CCNB2: variants seen among roughly 807,000 people sequenced by gnomAD.
CCNB2 encodes cyclin B2.
A neutral mutation model predicts 51.1 loss-of-function variants in CCNB2; 39 were observed. That is an observed-to-expected ratio of 0.76 (90% confidence interval 0.59 to 1.00). The LOEUF (loss-of-function observed/expected upper bound fraction) is 1.00. CCNB2 is among the 50% of genes least tolerant of loss of function. The pLI, the probability that CCNB2 is intolerant of heterozygous loss-of-function variation, is 0.00. For missense variants in CCNB2, 472 were observed against 470.3 expected (o/e 1.00, Z -0.03); for synonymous variants, 174 against 165.5 (o/e 1.05, Z -0.40).
intron 7 of CCNB2, among the ~76,000 whole-genome samples, chr15:59,123,304 A>G (rs983688897): frequency 6.6e-6 from 1 of 152,228 alleles, no homozygotes; most frequent in Non-Finnish European, 1.5e-5. Context: ...GTCTGGTCTC[A>G]GGGCCAGAAT....
At chr15:59,114,981 A>G in intron 5 of CCNB2, 105 bp downstream of exon 5, 1 of 1,233,026 alleles carries the variant, frequency 8.1e-7, no homozygotes, top group Non-Finnish European at 1.1e-6. Flanking sequence ...AAGACCAAAA[A>G]TCAAATTGTG....
At position 59,116,816 on chromosome 15, in the gene CCNB2, A is replaced by G. The variant is rs143578095; in HGVS notation, c.724A>G (p.Thr242Ala). The G allele has an allele frequency of 1.9e-6, 3 of 1,614,126 alleles. No individual in the cohort carries two copies. In the African/African-American group the frequency reaches 4.0e-5, roughly 22 times the overall value. Reference protein sequence around the residue: ...DFVYITDNAYTSSQIREMETL... With the variant: ...DFVYITDNAYASSQIREMETL... ...TGTTTACATCACAGACAATGCTTAT[A>G]CCAGTTCCCAAATCCGAGAAATGGA... is the stretch of plus-strand genomic sequence containing the variant. The change falls in exon 6 of 9, where the codon ACC becomes GCC. Residue 242 changes from threonine (T) to alanine (A), a missense_variant. Thr to Ala is a moderately conservative substitution (Grantham distance 58). Coordinates refer to ENST00000288207, the MANE Select transcript of CCNB2 (RefSeq NM_004701.4).
At chr15:59,119,054 A>G (rs2079290958) in intron 7 of CCNB2, among the ~76,000 whole-genome samples, 1 of 152,214 alleles carries the variant, frequency 6.6e-6, no homozygotes. Flanking sequence ...TTCTTTGGGA[A>G]TAGGGTGGAG....
chr15:59,119,279 G>T (rs2079292165), intron 7 of CCNB2, among the ~76,000 whole-genome samples: 1 of 151,988 alleles, frequency 6.6e-6, no homozygotes, highest in Non-Finnish European at 1.5e-5. Flanking sequence ...GGGTAGCGTA[G>T]CAAGACCCCC....
intron 8 of CCNB2, chr15:59,124,228 GA>G (rs1409172921): frequency 6.1e-6 from 1 of 165,232 alleles, no homozygotes; most frequent in Non-Finnish European, 1.3e-5. Context: ...CCAAACATCA[GA>G]GCTCACCAAG....
chr15:59,114,417 T>C, intron 3 of CCNB2, 27 bp from the exon 4 acceptor site: 1 of 1,548,980 alleles, frequency 6.5e-7, no homozygotes, highest in Non-Finnish European at 8.7e-7. Context: ...AGGCTGCTCC[T>C]ACATGTGCCT....
intron 3 of CCNB2, 95 bp from the exon 4 acceptor site, chr15:59,114,349 C>A: frequency 1.2e-6 from 1 of 857,762 alleles, no homozygotes; most frequent in Non-Finnish European, 1.8e-6. Context: ...TAACATATTT[C>A]AGATGTGCGT....
At chr15:59,112,316 T>G (rs1382302094) in intron 3 of CCNB2, among the ~76,000 whole-genome samples, 1 of 152,034 alleles carries the variant, frequency 6.6e-6, no homozygotes, top group Non-Finnish European at 1.5e-5. Flanking sequence ...GACTGGAAAT[T>G]ATAATCATTG....
At chr15:59,114,920 A>G (rs1221560089) in intron 5 of CCNB2, 44 bp downstream of exon 5, 3 of 1,565,150 alleles carry the variant, frequency 1.9e-6, no homozygotes, top group Non-Finnish European at 2.6e-6. Context: ...CTCATTGAAC[A>G]TTGCATTTAT....
At chr15:59,110,736 CAA>C (rs2079254290) in intron 3 of CCNB2, among the ~76,000 whole-genome samples, 1 of 152,202 alleles carries the variant, frequency 6.6e-6, no homozygotes, top group East Asian at 1.9e-4. Flanking sequence ...AACTGAATCA[CAA>C]AGTGCCCTGG....
intron 3 of CCNB2, among the ~76,000 whole-genome samples, chr15:59,108,297 G>A (rs2079244374): frequency 6.6e-6 from 1 of 152,242 alleles, no homozygotes; most frequent in South Asian, 2.1e-4. Context: ...GAAGGTTGCA[G>A]TTGGATTTGA....
At chr15:59,105,332 C>T in intron 1 of CCNB2, 40 bp downstream of exon 1, 11 of 1,540,992 alleles carry the variant, frequency 7.1e-6, no homozygotes, top group Non-Finnish European at 8.7e-6. Flanking sequence ...GCGAGTCCGT[C>T]GGCCCCACAG....
At chr15:59,114,176 A>G (rs562916814) in intron 3 of CCNB2, among the ~76,000 whole-genome samples, 1 of 152,272 alleles carries the variant, frequency 6.6e-6, no homozygotes, top group South Asian at 2.1e-4. Context: ...CAGCGAGGGA[A>G]CTGGGGAGGG....
intron 3 of CCNB2, among the ~76,000 whole-genome samples, chr15:59,111,825 A>AATTCT: frequency 6.6e-6 from 1 of 150,526 alleles, no homozygotes; most frequent in Non-Finnish European, 1.5e-5. Flanking sequence ...CAGGTTCCCA[A>AATTCT]ATTCTATTCT....
chr15:59,114,451 C>G lies in CCNB2; in HGVS notation c.275C>G (p.Ser92Cys). ...QMEKLAPKGPSPTPEDVSMKE... is the reference protein window; with the variant it reads ...QMEKLAPKGPCPTPEDVSMKE... Reference sequence around the variant, plus strand: ...CTAAATTTGTTGGTGTAGGGTCCTTCTCCCACACCTGAGGATGTCTCCATG... The same window carrying G: ...CTAAATTTGTTGGTGTAGGGTCCTTGTCCCACACCTGAGGATGTCTCCATG... Residue 92 changes from serine (S) to cysteine (C), a missense_variant, in exon 4 of 9, where the codon TCT becomes TGT. By Grantham distance (112) the Ser-to-Cys change is moderately radical. Coordinates refer to ENST00000288207, the MANE Select transcript of CCNB2 (RefSeq NM_004701.4). 1 of 1,598,220 alleles carries G rather than the reference C, an allele frequency of 6.3e-7. No homozygotes were observed. The highest frequency in any genetic ancestry group is 8.5e-7 in the Non-Finnish European group (1 of 1,172,876).
rs2079312164 is a variant in CCNB2, at chr15:59,123,535, T to G, written c.994T>G (p.Tyr332Asp). 1 of 1,611,294 alleles carries G rather than the reference T, an allele frequency of 6.2e-7. No individual in the cohort carries two copies. Among genetic ancestry groups the G allele is most frequent in the Admixed American group, 1.7e-5 (1 of 59,996 alleles). ...QGKWNLKQQY[Y>D]TGYTENEVLE... ...GTTTCAGAACTTAAAGCAGCAGTAT[T>G]ACACAGGATACACAGAGAATGAAGT... is the stretch of plus-strand genomic sequence containing the variant. Residue 332 changes from tyrosine (Y) to aspartate (D), a missense_variant, in exon 8 of 9, where the codon TAC becomes GAC. Coordinates refer to ENST00000288207, the MANE Select transcript of CCNB2 (RefSeq NM_004701.4).
intron 7 of CCNB2, among the ~76,000 whole-genome samples, chr15:59,122,584 G>A (rs565559744): frequency 1.4e-5 from 2 of 145,314 alleles, no homozygotes; most frequent in African/African-American, 5.1e-5. Flanking sequence ...GTGTTGCCCA[G>A]GCTGGAGTGC....
intron 7 of CCNB2, among the ~76,000 whole-genome samples, chr15:59,119,289 C>T (rs1419702903): frequency 6.6e-6 from 1 of 151,714 alleles, no homozygotes; most frequent in Non-Finnish European, 1.5e-5. Flanking sequence ...GCAAGACCCC[C>T]ATCTCTATAA....
intron 8 of CCNB2, chr15:59,124,560 A>C: frequency 4.3e-5 from 23 of 540,304 alleles, no homozygotes; most frequent in Middle Eastern, 5.1e-4. Context: ...CACCTGTGCT[A>C]CCAGCTGTGT....
Sources: gnomAD v4.1 joint callset for allele counts (sites outside exome capture counted in the v4.1 genomes callset) on GRCh38, gnomAD v4.1.1 for gene constraint, MANE v1.5 for transcripts, NCBI Gene and HGNC (gene_info 2026-07-23, HGNC 2026-07-21) for gene names.